GRIA1: variants seen among roughly 807,000 people sequenced by gnomAD.
GRIA1 encodes the protein glutamate ionotropic receptor AMPA type subunit 1.
GRIA1 carries 31 observed loss-of-function variants against 99.2 expected under a neutral mutation model. That is an observed-to-expected ratio of 0.31 (90% CI 0.23 to 0.42). The LOEUF (loss-of-function observed/expected upper bound fraction) is 0.42. GRIA1 is among the 10% of genes least tolerant of loss of function. The pLI is 1.00. For missense variants in GRIA1, 782 were observed against 1,157.5 expected (o/e 0.68, Z 4.71); for synonymous variants, 438 against 432.4 (o/e 1.01, Z -0.16).
intron 2 of GRIA1, among the ~76,000 whole-genome samples, chr5:153,600,057 G>C (rs1429939905): frequency 6.6e-6 from 1 of 152,098 alleles, no homozygotes; most frequent in Non-Finnish European, 1.5e-5. Flanking sequence ...GGTCGTCAGA[G>C]AGTCTACAGT....
At chr5:153,634,317 CAA>C (rs1172517042) in intron 2 of GRIA1, among the ~76,000 whole-genome samples, 2 of 70,130 alleles carry the variant, frequency 2.9e-5, no homozygotes, top group Admixed American at 1.6e-4. Flanking sequence ...GACTCCATCT[CAA>C]AAAAAAAAAA....
At chr5:153,756,744 T>C (rs1032950491) in intron 11 of GRIA1, among the ~76,000 whole-genome samples, 2 of 152,102 alleles carry the variant, frequency 1.3e-5, no homozygotes, top group African/African-American at 4.8e-5. Flanking sequence ...CCCTCTAGTG[T>C]TGAAATAGCT....
Position 153,611,379 on chromosome 5 carries a change from C to T in GRIA1, c.221-35549C>T, listed in dbSNP as rs374739902. On this transcript the variant is annotated intron_variant, in intron 2 of 15. Transcript: ENST00000285900. Reference sequence around the variant, plus strand: ...ACTGTCCCACCACTGGCACAATCTTCTTAGCCCCTGGGATCTGGAGTATCT... The same window carrying T: ...ACTGTCCCACCACTGGCACAATCTTTTTAGCCCCTGGGATCTGGAGTATCT... 4.1e-4 allele frequency among the ~76,000 whole-genome samples: 62 copies of T among 152,316 alleles called. 1 individual carries two copies. The South Asian group carries it at 5.6e-3, about 14-fold the overall frequency.
At chr5:153,806,829 A>G (rs533938456) in intron 15 of GRIA1, among the ~76,000 whole-genome samples, 1 of 152,370 alleles carries the variant, frequency 6.6e-6, no homozygotes, top group East Asian at 1.9e-4. Flanking sequence ...ACAATCCTAC[A>G]GATGAAATAA....
chr5:153,750,364 G>A (rs1762431788), intron 11 of GRIA1, among the ~76,000 whole-genome samples: 1 of 152,122 alleles, frequency 6.6e-6, no homozygotes, highest in Non-Finnish European at 1.5e-5. Flanking sequence ...TTGAAGAAGA[G>A]GACAAAGGGA....
intron 2 of GRIA1, among the ~76,000 whole-genome samples, chr5:153,549,118 A>G (rs1377955434): frequency 6.6e-6 from 1 of 152,216 alleles, no homozygotes; most frequent in Non-Finnish European, 1.5e-5. Flanking sequence ...ACAATCAGCT[A>G]ACCAGAAAAT....
At chr5:153,601,018 C>G (rs1282044873) in intron 2 of GRIA1, among the ~76,000 whole-genome samples, 1 of 152,158 alleles carries the variant, frequency 6.6e-6, no homozygotes, top group Admixed American at 6.5e-5. Flanking sequence ...TAGAAACTTC[C>G]TCTCACTGGA....
At chr5:153,559,086 C>A (rs1760897638) in intron 2 of GRIA1, among the ~76,000 whole-genome samples, 1 of 152,186 alleles carries the variant, frequency 6.6e-6, no homozygotes, top group Non-Finnish European at 1.5e-5. Flanking sequence ...GAAACCCTGT[C>A]CATTGGTAAC....
intron 10 of GRIA1, among the ~76,000 whole-genome samples, chr5:153,702,871 C>T (rs1198871801): frequency 6.6e-6 from 1 of 152,202 alleles, no homozygotes; most frequent in Non-Finnish European, 1.5e-5. Context: ...CAAAACAAGC[C>T]TGTGAAATTG....
intron 8 of GRIA1, among the ~76,000 whole-genome samples, chr5:153,690,625 T>C (rs1240036832): frequency 6.6e-6 from 1 of 152,212 alleles, no homozygotes; most frequent in Non-Finnish European, 1.5e-5. Context: ...ACAGGGATTT[T>C]ATATCAGCAT....
chr5:153,607,298 T>C (rs2149404926), intron 2 of GRIA1, among the ~76,000 whole-genome samples: 1 of 151,956 alleles, frequency 6.6e-6, no homozygotes, highest in East Asian at 1.9e-4. Context: ...GGGGTTGGTT[T>C]TGACTTTGTT....
intron 1 of GRIA1, 188 bp downstream of exon 1, chr5:153,491,158 G>T: frequency 1.0e-6 from 1 of 984,174 alleles, no homozygotes; most frequent in Non-Finnish European, 1.5e-6. Context: ...CGGATGAGGG[G>T]CAGAGGGGAA....
At chr5:153,758,984 T>C (rs551159110) in intron 11 of GRIA1, among the ~76,000 whole-genome samples, 2 of 151,950 alleles carry the variant, frequency 1.3e-5, no homozygotes, top group Non-Finnish European at 2.9e-5. Context: ...AACATTCTCC[T>C]GAACAACCAA....
chr5:153,501,754 G>A (rs1014176940), intron 2 of GRIA1, among the ~76,000 whole-genome samples: 1 of 152,204 alleles, frequency 6.6e-6, no homozygotes, highest in African/African-American at 2.4e-5. Context: ...AGGGGAAAGG[G>A]AAGCTGATGA....
chr5:153,735,538 C>T (rs1761324679), intron 11 of GRIA1, among the ~76,000 whole-genome samples: 1 of 152,132 alleles, frequency 6.6e-6, no homozygotes. Flanking sequence ...CAGGGTGTAG[C>T]ATTGGGCTGT....
chr5:153,714,858 C>T (rs1158243304), intron 11 of GRIA1, among the ~76,000 whole-genome samples: 1 of 152,194 alleles, frequency 6.6e-6, no homozygotes, highest in East Asian at 1.9e-4. Context: ...AAGTCCAAGA[C>T]ACCCAGCAGA....
chr5:153,508,609 A>G (rs937027051), intron 2 of GRIA1, among the ~76,000 whole-genome samples: 16 of 152,332 alleles, frequency 1.1e-4, no homozygotes, highest in African/African-American at 3.6e-4. Flanking sequence ...CAATAAAATC[A>G]CTAATGGATT....
rs1048860026 is a variant in GRIA1 at position 153,797,096 on chromosome 5, G to A, written c.2385+2361G>A. Among the ~76,000 whole-genome samples the A allele has an allele frequency of 2.2e-4, 33 of 152,294 alleles. 1 individual carries two copies. The highest frequency in any genetic ancestry group is 7.9e-4 in the African/African-American group (33 of 41,568). On this transcript the variant is annotated intron_variant, in intron 14 of 15. Coordinates refer to ENST00000285900, the MANE Select transcript of GRIA1 (RefSeq NM_000827.4). ...GGGCAATGTCAGAGGGACGTGAGTG[G>A]AGAAAGAAAGCCCTTGAGACCAAGA...
chr5:153,538,470 G>A (rs1381124145), intron 2 of GRIA1, among the ~76,000 whole-genome samples: 1 of 152,016 alleles, frequency 6.6e-6, no homozygotes, highest in Non-Finnish European at 1.5e-5. Flanking sequence ...TGCTTCCCCA[G>A]CAACTGGTAG....
Sources: allele counts gnomAD v4.1 joint callset (sites outside exome capture counted in the v4.1 genomes callset), GRCh38; gene constraint gnomAD v4.1.1; transcripts MANE v1.5; gene names NCBI Gene and HGNC (gene_info 2026-07-23, HGNC 2026-07-21).